Variants in PDE9A observed in about 807,000 individuals in gnomAD.
PDE9A encodes high affinity cGMP-specific 3',5'-cyclic phosphodiesterase 9A.
In PDE9A, 60 loss-of-function variants were observed where a neutral mutation model predicts 87.4. The ratio of observed to expected loss-of-function variants is 0.69; its 90% CI spans 0.56 to 0.85. The LOEUF (loss-of-function observed/expected upper bound fraction) is 0.85, where lower values mean the gene tolerates loss of function less well. Among genes scored for constraint, PDE9A ranks in the 40% least tolerant of loss-of-function variants. The pLI, the probability that PDE9A is intolerant of heterozygous loss-of-function variation, is 0.00. For synonymous variants in PDE9A, 272 were observed against 279.4 expected (o/e 0.97, Z 0.27); for missense variants, 665 against 779.0 (o/e 0.85, Z 1.74).
chr21:42,663,455 C>T (rs1356671090), intron 1 of PDE9A, among the ~76,000 whole-genome samples: 2 of 152,170 alleles, frequency 1.3e-5, no homozygotes, highest in African/African-American at 4.8e-5. Flanking sequence ...CAGAAGGCAC[C>T]CGTCTTCGCA....
chr21:42,773,966 G>A (rs957596631), intron 19 of PDE9A, among the ~76,000 whole-genome samples: 23 of 151,730 alleles, frequency 1.5e-4, no homozygotes, highest in South Asian at 1.2e-3. Context: ...TTAGCCGGGC[G>A]TGGTGGTGGG....
At chr21:42,687,843 C>G in intron 2 of PDE9A, 74 bp from the exon 3 acceptor site, 1 of 1,279,770 alleles carries the variant, frequency 7.8e-7, no homozygotes, top group Non-Finnish European at 1.1e-6. Context: ...AGGGCTCTGG[C>G]CCCATGTGTA....
In PDE9A at chr21:42,672,199, C is replaced by G. The variant is rs757449720; in HGVS notation, c.70-13993C>G. ...AACAGAGCTGCACATCCCGTTATGG[C>G]CACGAGCCCACCTCGCCTTCGTTCA... On this transcript the variant is annotated intron_variant, in intron 1 of 19. Transcript: ENST00000291539. Among the ~76,000 whole-genome samples the G allele has an allele frequency of 4.0e-4, 61 of 152,212 alleles. 1 individual carries two copies. Among genetic ancestry groups the G allele is most frequent in the Non-Finnish European group, 4.1e-4 (28 of 68,048 alleles).
In PDE9A at chr21:42,760,859, T is replaced by G. The variant is rs1337561470; in HGVS notation, c.1037T>G (p.Met346Arg). 6 of 1,610,282 alleles carry G rather than the reference T, an allele frequency of 3.7e-6. No individual in the cohort carries two copies. Among genetic ancestry groups the G allele is most frequent in the Non-Finnish European group, 5.1e-6 (6 of 1,177,266 alleles). ...TCACAAACGGATATCCTGATCCTAA[T>G]GACAGCGGCCATCTGCCACGATCTG... The part of the protein sequence containing the change: ...KFSQTDILIL[M>R]TAAICHDLDH... The change falls in exon 13 of 20, where the codon ATG becomes AGG. Residue 346 changes from methionine (M) to arginine (R), a missense_variant. By Grantham distance (91) the Met-to-Arg change is moderately conservative. Coordinates refer to ENST00000291539, the MANE Select transcript of PDE9A (RefSeq NM_002606.3). The surrounding 1 kb of genome is among the most constrained non-coding windows in gnomAD (Gnocchi z 5.2).
chr21:42,667,281 C>G (rs947801957), intron 1 of PDE9A, among the ~76,000 whole-genome samples: 1 of 152,198 alleles, frequency 6.6e-6, no homozygotes, highest in Non-Finnish European at 1.5e-5. Flanking sequence ...CCATGGAAAA[C>G]AGAGAGACAA....
intron 7 of PDE9A, among the ~76,000 whole-genome samples, chr21:42,742,616 C>T (rs1602402411): frequency 6.6e-6 from 1 of 151,970 alleles, no homozygotes; most frequent in South Asian, 2.1e-4. Flanking sequence ...CAGGCACTGG[C>T]ACACCATGCC....
chr21:42,707,189 G>T (rs1241041406), intron 4 of PDE9A, among the ~76,000 whole-genome samples: 16 of 152,200 alleles, frequency 1.1e-4, no homozygotes, highest in African/African-American at 3.6e-4. Flanking sequence ...TTTTTTTAAA[G>T]TCTAGCCGTC....
chr21:42,662,385 G>A (rs1015768740), intron 1 of PDE9A, among the ~76,000 whole-genome samples: 1 of 152,050 alleles, frequency 6.6e-6, no homozygotes, highest in Non-Finnish European at 1.5e-5. Flanking sequence ...CGAAGGAAGG[G>A]GCAGAAAGAT....
intron 4 of PDE9A, among the ~76,000 whole-genome samples, chr21:42,726,611 T>C (rs2051089938): frequency 3.7e-5 from 1 of 27,298 alleles, no homozygotes; most frequent in African/African-American, 2.6e-4. Flanking sequence ...TATATATATA[T>C]ATATATATAT....
chr21:42,710,263 G>T (rs371578055), intron 4 of PDE9A, among the ~76,000 whole-genome samples: 1 of 152,044 alleles, frequency 6.6e-6, no homozygotes, highest in Admixed American at 6.6e-5. Context: ...CAAAAAATTA[G>T]CAGGGTGTGG....
At chr21:42,666,043 G>T (rs893120902) in intron 1 of PDE9A, among the ~76,000 whole-genome samples, 1 of 152,220 alleles carries the variant, frequency 6.6e-6, no homozygotes, top group Admixed American at 6.5e-5. Flanking sequence ...CCTTCCCCAA[G>T]GGCCTTCAGG....
Position 42,763,096 on chromosome 21 carries a change from C to T in PDE9A, c.1242+857C>T, listed in dbSNP as rs539148510. On this transcript the variant is annotated intron_variant, in intron 14 of 19. Coordinates refer to ENST00000291539, the MANE Select transcript of PDE9A (RefSeq NM_002606.3). ...AGGAAGATGACCTGGTCCACCTGCC[C>T]CAGACAAACACCTCCAGCTCACCGA... Among the ~76,000 whole-genome samples the T allele has an allele frequency of 2.0e-5, 3 of 152,246 alleles. No homozygotes were observed. The East Asian group carries it at 5.8e-4, about 29-fold the overall frequency.
Position 42,674,316 on chromosome 21 carries a change from C to CTTTTTTTTTTTTTTTTTT in PDE9A, c.70-11859_70-11858insTTTTTTTTTTTTTTTTTT, listed in dbSNP as rs34238765. Among the ~76,000 whole-genome samples, 42 of 134,572 alleles carry CTTTTTTTTTTTTTTTTTT rather than the reference C, an allele frequency of 3.1e-4. 2 individuals carry two copies. Among genetic ancestry groups the CTTTTTTTTTTTTTTTTTT allele is most frequent in the South Asian group, 1.2e-3 (5 of 4,176 alleles). The allele number at this position is 134,572 out of a possible 152,430, so 88.3% of individuals were successfully genotyped here. On this transcript the variant is annotated intron_variant, in intron 1 of 19. Transcript: ENST00000291539. ...GCTGGAGCTTTAGGCTTTAGACATT[C>CTTTTTTTTTTTTTTTTTT]TTTTTTTTTTTTTTTTTGAGACAGG...
intron 4 of PDE9A, among the ~76,000 whole-genome samples, chr21:42,729,921 A>G (rs1482537778): frequency 6.6e-6 from 1 of 152,174 alleles, no homozygotes; most frequent in Non-Finnish European, 1.5e-5. Context: ...ATAGCCCAGG[A>G]TATGGTCAAT....
rs62213445 is a variant in PDE9A at position 42,773,842 on chromosome 21, T to A, written c.1768+1322T>A. 8.6e-4 allele frequency among the ~76,000 whole-genome samples: 127 copies of A among 146,914 alleles called. 1 individual carries two copies. The highest frequency in any genetic ancestry group is 7.2e-3 in the Admixed American group (106 of 14,818). On this transcript the variant is annotated intron_variant, in intron 19 of 19. Coordinates refer to ENST00000291539, the MANE Select transcript of PDE9A (RefSeq NM_002606.3). ...TAAATAAGCCGGGCGCAGTGGCTCA[T>A]GCCTGTAGTCCCAGCACTTTGGGAG...
At chr21:42,761,648 C>T (rs147323948) in intron 13 of PDE9A, among the ~76,000 whole-genome samples, 3,798 of 152,326 alleles carry the variant, frequency 0.025, 65 homozygotes, top group Non-Finnish European at 0.041. Flanking sequence ...GGGGCCATCA[C>T]CATGCACACC....
At chr21:42,690,376 G>A (rs1440266578) in intron 3 of PDE9A, among the ~76,000 whole-genome samples, 3 of 152,082 alleles carry the variant, frequency 2.0e-5, no homozygotes, top group Admixed American at 2.0e-4. Context: ...AGACAGCGAT[G>A]TGGAAATGGA....
At chr21:42,653,919 C>T (rs1291044107) in intron 1 of PDE9A, 36 bp downstream of exon 1, 9 of 1,281,870 alleles carry the variant, frequency 7.0e-6, no homozygotes, top group Non-Finnish European at 8.7e-6. Context: ...CCCTCCTCCC[C>T]CCGGGTGACA....
At chr21:42,749,185 AT>A (rs774332335) in intron 8 of PDE9A, among the ~76,000 whole-genome samples, 138 of 152,260 alleles carry the variant, frequency 9.1e-4, no homozygotes, top group Non-Finnish European at 1.7e-3. Flanking sequence ...AAGGATACGA[AT>A]TTCTATATGG....
Sources: gnomAD v4.1 joint callset for allele counts (sites outside exome capture counted in the v4.1 genomes callset) on GRCh38, gnomAD v4.1.1 for gene constraint, Gnocchi (gnomAD v3.1) non-coding constraint, MANE v1.5 for transcripts, NCBI Gene and HGNC (gene_info 2026-07-23, HGNC 2026-07-21) for gene names.